The following ZCWPW1 variants were observed in gnomAD, a reference collection of about 807,000 sequenced individuals.
ZCWPW1 encodes zinc finger CW-type PWWP domain protein 1.
ZCWPW1 carries 56 observed loss-of-function variants against 81.3 expected under a neutral mutation model. The observed-to-expected ratio is 0.69, with a 90% CI of 0.56 to 0.86. The LOEUF is 0.86. Ranked by LOEUF, ZCWPW1 falls within the 40% of genes least tolerant of loss-of-function variation. The probability of loss-of-function intolerance (pLI) is 0.00; values close to 1 mark genes in which losing one functional copy is unlikely to be tolerated. For synonymous variants in ZCWPW1, 250 were observed against 273.7 expected (o/e 0.91, Z 0.86); for missense variants, 650 against 769.8 (o/e 0.84, Z 1.84).
chr7:100,407,340 A>G, intron 10 of ZCWPW1, 37 bp from the exon 11 acceptor site: 1 of 1,575,482 alleles, frequency 6.3e-7, no homozygotes, highest in South Asian at 1.1e-5. Context: ...ACAGAAGAGA[A>G]GGGGTTAGAT....
intron 5 of ZCWPW1, 48 bp from the exon 6 acceptor site, chr7:100,417,231 C>A: frequency 6.8e-7 from 1 of 1,467,662 alleles, no homozygotes; most frequent in South Asian, 1.2e-5. Context: ...AACGAAAAAG[C>A]CACTCTATTA....
chr7:100,428,329 A>G (rs1798134868), intron 1 of ZCWPW1, among the ~76,000 whole-genome samples: 1 of 152,176 alleles, frequency 6.6e-6, no homozygotes, highest in Non-Finnish European at 1.5e-5. Context: ...CGCATGCGCA[A>G]CTGGAAACAG....
At chr7:100,402,425 G>T in intron 16 of ZCWPW1, 91 bp downstream of exon 16, 1 of 1,369,562 alleles carries the variant, frequency 7.3e-7, no homozygotes, top group Non-Finnish European at 1.0e-6. Context: ...CACTGAGATG[G>T]GCAGTGAGGT....
In ZCWPW1 at chr7:100,416,076, G is replaced by C. The variant is rs762084301; in HGVS notation, c.653C>G (p.Thr218Ser). The stretch of plus-strand genomic sequence containing the variant: ...CTGTCTGTGCTCATGTCCACCTTGA[G>C]TTTTCTCCACCTTCTCATCTTCTGG... The part of the protein sequence containing the change: ...KEAQDEKVEK[T>S]QGGHEHRQED... The change falls in exon 8 of 18, where the codon ACT becomes AGT. Residue 218 changes from threonine to serine, a missense_variant. Transcript: ENST00000684423. 15 of 1,613,878 alleles carry C rather than the reference G, an allele frequency of 9.3e-6. No homozygotes were observed. The highest frequency in any genetic ancestry group is 1.3e-5 in the Non-Finnish European group (15 of 1,180,052).
chr7:100,402,060 CGT>C lies in ZCWPW1; in HGVS notation c.1475-21_1475-20del. 6.3e-7 allele frequency: 1 copy of C among 1,590,456 alleles called. No individual in the cohort carries two copies. On this transcript the variant is annotated intron_variant, in intron 16 of 17. Transcript: ENST00000684423. ...CCAAGCCCTAGCCGTGAGGGAAATG[CGT>C]TTATTTCTCTCTAAACGACAACTCG...
At position 100,420,641 on chromosome 7, in the gene ZCWPW1, T is replaced by C. The variant is rs763347591; in HGVS notation, c.9A>G (p.Thr3=). 6.2e-7 allele frequency: 1 copy of C among 1,614,100 alleles called. No individual in the cohort carries two copies. The highest frequency in any genetic ancestry group is 8.5e-7 in the Non-Finnish European group (1 of 1,180,024). The change falls in exon 3 of 18, where the codon ACA becomes ACG. Residue 3 remains threonine, a synonymous_variant. Transcript: ENST00000684423. ...ACTCACCTTCTTTATTCTGCAACGT[T>C]GTCATCATTCAGCTTAGAAACTACG... MM[T]TLQNKEECGK...
intron 11 of ZCWPW1, 104 bp downstream of exon 11, chr7:100,407,124 G>A: frequency 9.5e-7 from 1 of 1,050,606 alleles, no homozygotes; most frequent in Non-Finnish European, 1.4e-6. Flanking sequence ...GTTTTCACTT[G>A]TGTCTGCTGG....
chr7:100,414,048 T>C (rs1392171697), intron 8 of ZCWPW1, among the ~76,000 whole-genome samples: 3 of 152,224 alleles, frequency 2.0e-5, no homozygotes, highest in Admixed American at 6.5e-5. Flanking sequence ...GAAAAACCTT[T>C]TAGTTTCCTT....
intron 1 of ZCWPW1, among the ~76,000 whole-genome samples, chr7:100,428,322 A>ATGCGCAACTGGAAACAGCGTCTGCGTT (rs1468638420): frequency 8.5e-5 from 13 of 152,148 alleles, no homozygotes; most frequent in East Asian, 1.9e-4. Flanking sequence ...GCCGAGGCGC[A>ATGCGCAACTGGAAACAGCGTCTGCGTT]TGCGCAACTG....
rs959403792 is a variant in ZCWPW1 at position 100,419,616 on chromosome 7, A to C, written c.282+14T>G. ...AGAAAATCTCCTACCAGAGCCCACC[A>C]CTATGACTGGTACCTTTTCTTTCTT... On this transcript the variant is annotated intron_variant, in intron 4 of 17. Coordinates refer to ENST00000684423, the MANE Select transcript of ZCWPW1 (RefSeq NM_001386010.1). The C allele has an allele frequency of 6.2e-7, 1 of 1,603,948 alleles. No individual in the cohort carries two copies. Among genetic ancestry groups the C allele is most frequent in the African/African-American group, 1.3e-5 (1 of 74,154 alleles).
Position 100,415,986 on chromosome 7 carries a change from A to C in ZCWPW1, c.743T>G (p.Ile248Arg), listed in dbSNP as rs149367938. The change falls in exon 8 of 18, where the codon ATA (isoleucine) becomes AGA (arginine). Residue 248 changes from isoleucine to arginine, a missense_variant. Ile to Arg is a moderately conservative substitution (Grantham distance 97). Coordinates refer to ENST00000684423, the MANE Select transcript of ZCWPW1 (RefSeq NM_001386010.1). ...CCAGCTAAACTCACCAAAACCACTT[A>C]TCTCTCCTTTTTGCTGGTCCCTGAT... ...SQIRDQQKGE[I>R]SGFGQCLVWV... The C allele has an allele frequency of 8.3e-4, 1,346 of 1,614,116 alleles. 14 individuals carry two copies. The East Asian group carries it at 0.026, about 32-fold the overall frequency.
Position 100,409,544 on chromosome 7 carries a change from C to T in ZCWPW1, c.755G>A (p.Gly252Asp). The T allele has an allele frequency of 6.2e-7, 1 of 1,607,624 alleles. No homozygotes were observed. Among genetic ancestry groups the T allele is most frequent in the Non-Finnish European group, 8.5e-7 (1 of 1,175,968 alleles). The change falls in exon 9 of 18, where the codon GGT (glycine) becomes GAT (aspartate). Residue 252 changes from glycine to aspartate, a missense_variant and splice_region_variant. Coordinates refer to ENST00000684423, the MANE Select transcript of ZCWPW1 (RefSeq NM_001386010.1). ...DQQKGEISGF[G>D]QCLVWVQCSF... The stretch of plus-strand genomic sequence containing the variant: ...ACACTGGACCCAGACCAGACATTGA[C>T]CTGTGAGAGGAAAAAAATGAAATAA...
chr7:100,407,355 A>G, intron 10 of ZCWPW1, 52 bp from the exon 11 acceptor site: 1 of 1,492,686 alleles, frequency 6.7e-7, no homozygotes, highest in Non-Finnish European at 9.3e-7. Flanking sequence ...TTAGATGAAC[A>G]GAACACAACC....
At position 100,402,573 on chromosome 7, in the gene ZCWPW1, G is replaced by C. The variant is rs1161331482; in HGVS notation, c.1417C>G (p.Pro473Ala). The C allele has an allele frequency of 1.2e-6, 2 of 1,614,044 alleles. No homozygotes were observed. Among genetic ancestry groups the C allele is most frequent in the Non-Finnish European group, 8.5e-7 (1 of 1,179,970 alleles). Residue 473 changes from proline to alanine, a missense_variant, in exon 16 of 18, where the codon CCA becomes GCA. Pro to Ala is a conservative substitution (Grantham distance 27). Coordinates refer to ENST00000684423, the MANE Select transcript of ZCWPW1 (RefSeq NM_001386010.1). ...ACTCGCTTACGAATGGGCAAAATTG[G>C]GTCCTGAGGATGGGAGAGAAAGTTT... ...LEKEEGEKTDPILPIRKRVKI... is the reference protein window; with the variant it reads ...LEKEEGEKTDAILPIRKRVKI...
chr7:100,428,219 C>G (rs1203173166), intron 1 of ZCWPW1, among the ~76,000 whole-genome samples: 1 of 152,188 alleles, frequency 6.6e-6, no homozygotes, highest in Non-Finnish European at 1.5e-5. Context: ...ACTCCGCAAG[C>G]CCCTCACACC....
intron 1 of ZCWPW1, among the ~76,000 whole-genome samples, chr7:100,426,723 C>T (rs1797436445): frequency 1.5e-5 from 2 of 137,132 alleles, no homozygotes; most frequent in African/African-American, 2.8e-5. Flanking sequence ...CTCCCTTTGT[C>T]CCTCCATCCC....
intron 8 of ZCWPW1, among the ~76,000 whole-genome samples, chr7:100,412,727 G>A (rs1334290112): frequency 2.0e-5 from 3 of 151,876 alleles, no homozygotes; most frequent in African/African-American, 4.8e-5. Flanking sequence ...GACTACAGGC[G>A]CCCGCTACCA....
At chr7:100,427,698 A>T (rs1458990326) in intron 1 of ZCWPW1, among the ~76,000 whole-genome samples, 8 of 132,424 alleles carry the variant, frequency 6.0e-5, no homozygotes, top group East Asian at 2.4e-4. Context: ...GACAGTCTTT[A>T]AAAAAAAAAA....
rs577481113 is a variant in ZCWPW1 at position 100,423,330 on chromosome 7, C to A, written c.-30+1700G>T. 4.6e-5 allele frequency among the ~76,000 whole-genome samples: 7 copies of A among 152,222 alleles called. No individual in the cohort carries two copies. The South Asian group carries it at 1.2e-3, about 27-fold the overall frequency. ...AAACTCTTTGTTCTAAATCTGTGAT[C>A]CCCCACTATAAAGAGATCCAAAAGC... On this transcript the variant is annotated intron_variant, in intron 2 of 17. Coordinates refer to ENST00000684423, the MANE Select transcript of ZCWPW1 (RefSeq NM_001386010.1).
Sources: allele counts gnomAD v4.1 joint callset (sites outside exome capture counted in the v4.1 genomes callset), GRCh38; gene constraint gnomAD v4.1.1; transcripts MANE v1.5; gene names NCBI Gene and HGNC (gene_info 2026-07-23, HGNC 2026-07-21).